Variants in CDH11 observed in about 807,000 individuals in gnomAD.
CDH11 encodes cadherin 11.
CDH11 carries 11 observed loss-of-function variants against 67.8 expected under a neutral mutation model. That is an observed-to-expected ratio of 0.16 (90% confidence interval 0.10 to 0.27). The LOEUF is 0.27. Among genes scored for constraint, CDH11 ranks in the 10% least tolerant of loss-of-function variants. The pLI is 1.00. For synonymous variants in CDH11, 419 were observed against 400.0 expected (o/e 1.05, Z -0.57); for missense variants, 847 against 1,031.2 (o/e 0.82, Z 2.45).
chr16:65,023,646 A>AG (rs1370896867), intron 2 of CDH11, among the ~76,000 whole-genome samples: 2 of 152,192 alleles, frequency 1.3e-5, no homozygotes, highest in African/African-American at 4.8e-5. Context: ...TTTCTAGGAA[A>AG]GGGGTGGGGA....
intron 12 of CDH11, among the ~76,000 whole-genome samples, chr16:64,949,148 G>A (rs1174991784): frequency 6.6e-6 from 1 of 152,044 alleles, no homozygotes; most frequent in Non-Finnish European, 1.5e-5. Context: ...TTCCTGGCCT[G>A]CCATCCTGAC....
intron 11 of CDH11, among the ~76,000 whole-genome samples, chr16:64,960,356 C>G (rs1317789494): frequency 6.6e-6 from 1 of 152,120 alleles, no homozygotes; most frequent in Non-Finnish European, 1.5e-5. Context: ...CTCAACCACT[C>G]CTTCACTTTT....
At chr16:64,999,483 T>G (rs960276079) in intron 3 of CDH11, among the ~76,000 whole-genome samples, 1 of 152,194 alleles carries the variant, frequency 6.6e-6, no homozygotes, top group African/African-American at 2.4e-5. Flanking sequence ...ACTATAGATC[T>G]TCCTCATCTA....
At chr16:65,008,094 A>C (rs532697826) in intron 2 of CDH11, among the ~76,000 whole-genome samples, 1 of 152,354 alleles carries the variant, frequency 6.6e-6, no homozygotes, top group Admixed American at 6.5e-5. Flanking sequence ...GGGTTTAATT[A>C]AAGTTGATAT....
intron 2 of CDH11, among the ~76,000 whole-genome samples, chr16:65,043,162 A>G (rs1203689604): frequency 6.6e-6 from 1 of 152,238 alleles, no homozygotes; most frequent in African/African-American, 2.4e-5. Flanking sequence ...TCACCACAGT[A>G]TCTTGGTACC....
In CDH11 at chr16:64,979,292, T is replaced by A. The variant is rs186981112; in HGVS notation, c.1253+2756A>T. On this transcript the variant is annotated intron_variant, in intron 8 of 12. Coordinates refer to ENST00000268603, the MANE Select transcript of CDH11 (RefSeq NM_001797.4). ...TGGCAAAACCCTGTCTCTATTTTTT[T>A]AAAAAATAGCTGGGCCTGGTGGTGT... Among the ~76,000 whole-genome samples, 137 of 152,134 alleles carry A rather than the reference T, an allele frequency of 9.0e-4. 1 individual carries two copies. Among genetic ancestry groups the A allele is most frequent in the African/African-American group, 2.8e-3 (115 of 41,512 alleles).
intron 1 of CDH11, among the ~76,000 whole-genome samples, chr16:65,085,002 C>T (rs1463900241): frequency 6.6e-6 from 1 of 152,164 alleles, no homozygotes; most frequent in African/African-American, 2.4e-5. Context: ...CTCCACCTCC[C>T]AGGTTCAAGC....
At chr16:64,986,639 T>C (rs2072493882) in intron 7 of CDH11, 1 of 152,040 alleles carries the variant, frequency 6.6e-6, no homozygotes, top group African/African-American at 2.4e-5. Context: ...ACACAGCTAC[T>C]TTTCCAGAGG....
chr16:65,104,430 C>T (rs2075037741), intron 1 of CDH11, among the ~76,000 whole-genome samples: 1 of 152,138 alleles, frequency 6.6e-6, no homozygotes, highest in Non-Finnish European at 1.5e-5. Context: ...AGCAGAAATA[C>T]TAATATACTT....
intron 8 of CDH11, among the ~76,000 whole-genome samples, chr16:64,978,293 C>T (rs936580548): frequency 2.6e-5 from 4 of 152,170 alleles, no homozygotes; most frequent in East Asian, 1.9e-4. Flanking sequence ...TAGTGGAAGG[C>T]GCAGTGATGA....
At chr16:65,055,191 G>T (rs1438299508) in intron 1 of CDH11, among the ~76,000 whole-genome samples, 3 of 152,202 alleles carry the variant, frequency 2.0e-5, no homozygotes, top group African/African-American at 7.2e-5. Flanking sequence ...CATGTTACAT[G>T]CTGTGGCCAG....
At chr16:64,984,060 C>G (rs1323946929) in intron 7 of CDH11, among the ~76,000 whole-genome samples, 1 of 152,152 alleles carries the variant, frequency 6.6e-6, no homozygotes, top group Non-Finnish European at 1.5e-5. Context: ...GCTCTCCAGG[C>G]CTTTGCAGAG....
At chr16:65,116,717 A>G (rs1481202022) in intron 1 of CDH11, among the ~76,000 whole-genome samples, 4 of 152,074 alleles carry the variant, frequency 2.6e-5, no homozygotes, top group Non-Finnish European at 5.9e-5. Flanking sequence ...GTTTATATCA[A>G]CTTCCTAGAT....
rs955730375 is a variant in CDH11, at chr16:65,059,132, A to C, written c.-297-5204T>G. On this transcript the variant is annotated intron_variant, in intron 1 of 12. Coordinates refer to ENST00000268603, the MANE Select transcript of CDH11 (RefSeq NM_001797.4). The stretch of plus-strand genomic sequence containing the variant: ...AGATGAGGAATCTGAGTCTCAAAGA[A>C]ATTTAGAGATCCTTCAAAGTTCCTG... 2.0e-5 allele frequency among the ~76,000 whole-genome samples: 3 copies of C among 152,114 alleles called. 1 individual carries two copies. In the South Asian group the frequency reaches 6.2e-4, roughly 32 times the overall value.
At chr16:65,101,489 T>A (rs1237862402) in intron 1 of CDH11, among the ~76,000 whole-genome samples, 3 of 152,204 alleles carry the variant, frequency 2.0e-5, no homozygotes, top group Non-Finnish European at 2.9e-5. Context: ...CTTGCCCTAC[T>A]TTCCTATCTC....
At chr16:65,073,154 T>C (rs187651429) in intron 1 of CDH11, among the ~76,000 whole-genome samples, 85 of 152,322 alleles carry the variant, frequency 5.6e-4, no homozygotes, top group African/African-American at 2.0e-3. Flanking sequence ...GTAATTTCAC[T>C]TGCTGAAAAT....
At chr16:65,076,916 C>T (rs2074521622) in intron 1 of CDH11, among the ~76,000 whole-genome samples, 2 of 151,984 alleles carry the variant, frequency 1.3e-5, no homozygotes, top group South Asian at 4.2e-4. Flanking sequence ...ATTTTCTTAG[C>T]ACATGGTATT....
chr16:65,122,216 C>T, upstream of CDH11: 2 of 520,682 alleles, frequency 3.8e-6, no homozygotes, highest in Non-Finnish European at 3.4e-6. Context: ...CTGCGAGAGG[C>T]AGCGAGATGG....
chr16:64,952,673 TAC>T (rs375383391), intron 11 of CDH11, among the ~76,000 whole-genome samples: 1 of 138,548 alleles, frequency 7.2e-6, no homozygotes, highest in East Asian at 2.1e-4. Flanking sequence ...CACACACACA[TAC>T]ACACACACAC....
Sources: allele counts gnomAD v4.1 joint callset (sites outside exome capture counted in the v4.1 genomes callset), GRCh38; gene constraint gnomAD v4.1.1; transcripts MANE v1.5; gene names NCBI Gene and HGNC (gene_info 2026-07-23, HGNC 2026-07-21).